The following RGS5 variants were observed in gnomAD, a reference collection of about 807,000 sequenced individuals.
The protein encoded by RGS5 is regulator of G protein signaling 5.
Under a neutral mutation model 18.9 loss-of-function variants are expected in RGS5, and 20 were observed. The ratio of observed to expected loss-of-function variants is 1.06; its 90% CI spans 0.74 to 1.54. RGS5 has a LOEUF of 1.54. Ranked by LOEUF, RGS5 falls within the 40% of genes most tolerant of loss-of-function variation. RGS5 has a pLI of 0.00. For synonymous variants in RGS5, 57 were observed against 76.2 expected (o/e 0.75, Z 1.31); for missense variants, 201 against 211.8 (o/e 0.95, Z 0.32).
In RGS5 at chr1:163,146,241, T is replaced by C. The variant is rs1014819754; in HGVS notation, c.*1101A>G. ...AATACTGGGGTTGCTAAAAGATTAC[T>C]TTTTTTTTTTTTTTTTGCAAAATGC... On this transcript the variant is annotated 3_prime_UTR_variant, in exon 5 of 5. Transcript: ENST00000313961. The C allele has an allele frequency of 8.2e-6, 1 of 122,506 alleles. No homozygotes were observed. The highest frequency in any genetic ancestry group is 1.6e-5 in the Non-Finnish European group (1 of 61,240). The allele number at this position is 122,506 out of a possible 1,614,324, so 7.6% of individuals were successfully genotyped here.
At chr1:163,216,278 G>A (rs955158197) in intron 1 of RGS5, among the ~76,000 whole-genome samples, 1 of 152,112 alleles carries the variant, frequency 6.6e-6, no homozygotes, top group Non-Finnish European at 1.5e-5. Flanking sequence ...CTGAAGACTT[G>A]CAAAGGCAAG....
intron 2 of RGS5, among the ~76,000 whole-genome samples, chr1:163,264,804 T>A (rs1648535205): frequency 6.6e-6 from 1 of 152,086 alleles, no homozygotes; most frequent in South Asian, 2.1e-4. Flanking sequence ...GTTCTTTAAA[T>A]CCTCCTATTT....
At chr1:163,190,362 C>T (rs1659293668) in intron 1 of RGS5, among the ~76,000 whole-genome samples, 1 of 152,056 alleles carries the variant, frequency 6.6e-6, no homozygotes, top group South Asian at 2.1e-4. Flanking sequence ...AACTGAAGGA[C>T]ATAAAATAAT....
chr1:163,257,475 G>C (rs2101703016), intron 2 of RGS5, among the ~76,000 whole-genome samples: 1 of 152,206 alleles, frequency 6.6e-6, no homozygotes, highest in South Asian at 2.1e-4. Context: ...GAGATCCCCA[G>C]ACTCCCAGCC....
intron 1 of RGS5, among the ~76,000 whole-genome samples, chr1:163,172,040 CAGAGGG>C (rs1386256421): frequency 6.6e-6 from 1 of 152,084 alleles, no homozygotes; most frequent in Non-Finnish European, 1.5e-5. Context: ...ATGAGCGTTC[CAGAGGG>C]AAGGGTGGGT....
At chr1:163,172,607 G>A in intron 1 of RGS5, 1 of 1,549,780 alleles carries the variant, frequency 6.5e-7, no homozygotes, top group Non-Finnish European at 8.7e-7. Flanking sequence ...AAATGTAAGG[G>A]AGAAAAGATA....
At chr1:163,230,383 G>GA (rs1647447314) in intron 2 of RGS5, among the ~76,000 whole-genome samples, 2 of 151,710 alleles carry the variant, frequency 1.3e-5, no homozygotes, top group African/African-American at 4.8e-5. Context: ...GCCAAAAAAA[G>GA]AAAAAAATGT....
At chr1:163,245,704 G>T (rs1647910919) in intron 2 of RGS5, among the ~76,000 whole-genome samples, 1 of 152,056 alleles carries the variant, frequency 6.6e-6, no homozygotes, top group Non-Finnish European at 1.5e-5. Context: ...TGTAAAATGG[G>T]TATAATAATA....
intron 1 of RGS5, among the ~76,000 whole-genome samples, chr1:163,196,148 G>T (rs1359574790): frequency 6.6e-6 from 1 of 151,840 alleles, no homozygotes; most frequent in East Asian, 1.9e-4. Context: ...TTATCCTCTG[G>T]GTGACTCAGC....
intron 2 of RGS5, among the ~76,000 whole-genome samples, chr1:163,164,310 T>C (rs1657940660): frequency 6.6e-6 from 1 of 152,170 alleles, no homozygotes; most frequent in African/African-American, 2.4e-5. Flanking sequence ...AGAGGATGGG[T>C]ATGGAGTTTC....
chr1:163,293,533 A>G (rs1004883007), intron 2 of RGS5, among the ~76,000 whole-genome samples: 3 of 152,164 alleles, frequency 2.0e-5, no homozygotes, highest in African/African-American at 7.2e-5. Flanking sequence ...TTTGAATTAC[A>G]ATTTGAGATG....
intron 2 of RGS5, among the ~76,000 whole-genome samples, chr1:163,226,846 A>G (rs1194670933): frequency 6.6e-6 from 1 of 152,244 alleles, no homozygotes; most frequent in Non-Finnish European, 1.5e-5. Context: ...TCTTTACTCC[A>G]TAAGTACGCT....
chr1:163,252,089 C>T (rs547769259), intron 2 of RGS5, among the ~76,000 whole-genome samples: 23 of 152,182 alleles, frequency 1.5e-4, no homozygotes, highest in African/African-American at 4.8e-4. Flanking sequence ...AAATTATTTT[C>T]CAGAGTAGCT....
intron 2 of RGS5, among the ~76,000 whole-genome samples, chr1:163,272,724 T>C (rs1648752279): frequency 6.6e-6 from 1 of 152,100 alleles, no homozygotes; most frequent in African/African-American, 2.4e-5. Context: ...ACCATAGATA[T>C]ATGGGTTTAT....
At chr1:163,253,457 C>T (rs1471976611) in intron 2 of RGS5, among the ~76,000 whole-genome samples, 5 of 118,604 alleles carry the variant, frequency 4.2e-5, no homozygotes, top group Admixed American at 1.6e-4. Context: ...TACAGGTACA[C>T]GCCACCATGC....
At chr1:163,187,713 C>T (rs1000455002) in intron 1 of RGS5, among the ~76,000 whole-genome samples, 1 of 152,172 alleles carries the variant, frequency 6.6e-6, no homozygotes, top group Non-Finnish European at 1.5e-5. Context: ...ACCCTAGTGT[C>T]TCTTCCTCTG....
chr1:163,267,740 A>T (rs1557925472), intron 2 of RGS5, among the ~76,000 whole-genome samples: 1 of 152,172 alleles, frequency 6.6e-6, no homozygotes. Flanking sequence ...TCAAAGGCAT[A>T]GGTCATAAAT....
At chr1:163,187,157 A>C (rs61810819) in intron 1 of RGS5, among the ~76,000 whole-genome samples, 16,934 of 152,292 alleles carry the variant, frequency 0.11, 1,289 homozygotes, top group South Asian at 0.18. Flanking sequence ...AATCTGGACC[A>C]GGAAGGGAGA....
At chr1:163,228,706 T>C (rs1647396041) in intron 2 of RGS5, among the ~76,000 whole-genome samples, 1 of 152,242 alleles carries the variant, frequency 6.6e-6, no homozygotes, top group Non-Finnish European at 1.5e-5. Flanking sequence ...CTGCAAATTT[T>C]CCAAACTTTC....
Sources: allele counts gnomAD v4.1 joint callset (sites outside exome capture counted in the v4.1 genomes callset), GRCh38; gene constraint gnomAD v4.1.1; transcripts MANE v1.5; gene names NCBI Gene and HGNC (gene_info 2026-07-23, HGNC 2026-07-21).